AS3MT: variants seen among roughly 807,000 people sequenced by gnomAD.
AS3MT encodes S-adenosyl-L-methionine:arsenic(III) methyltransferase.
In AS3MT, 47 loss-of-function variants were observed where a neutral mutation model predicts 45.3. The ratio of observed to expected loss-of-function variants is 1.04; its 90% confidence interval spans 0.82 to 1.32. The LOEUF is 1.32. Among genes scored for constraint, AS3MT ranks in the 40% most tolerant of loss-of-function variants. AS3MT has a pLI of 0.00. For missense variants in AS3MT, 396 were observed against 451.1 expected (o/e 0.88, Z 1.11); for synonymous variants, 141 against 152.8 (o/e 0.92, Z 0.57).
intron 10 of AS3MT, among the ~76,000 whole-genome samples, chr10:102,894,441 A>AT (rs1564796110): frequency 1.3e-5 from 2 of 151,190 alleles, no homozygotes. Context: ...AAAAAAAATA[A>AT]AAAAATAAAA....
At chr10:102,874,050 C>T (rs1392675892) in intron 5 of AS3MT, among the ~76,000 whole-genome samples, 1 of 152,002 alleles carries the variant, frequency 6.6e-6, no homozygotes, top group East Asian at 1.9e-4. Context: ...GTCAGGAATT[C>T]CAGACCAGCT....
At chr10:102,891,948 CAAAAAAAAAAAAA>C (rs57594880) in intron 10 of AS3MT, among the ~76,000 whole-genome samples, 3 of 57,846 alleles carry the variant, frequency 5.2e-5, no homozygotes, top group African/African-American at 1.4e-4. Flanking sequence ...GACTCTGTCT[CAAAAAAAAAAAAA>C]AAAAAAAAAA....
chr10:102,886,909 C>T (rs928474029), intron 9 of AS3MT, among the ~76,000 whole-genome samples: 1 of 152,154 alleles, frequency 6.6e-6, no homozygotes, highest in African/African-American at 2.4e-5. Flanking sequence ...AATCTTTCAA[C>T]TTTTTTGATA....
chr10:102,891,237 G>A lies in AS3MT; in HGVS notation c.1020+559G>A, dbSNP rs144145103. ...CTGTCTGTGACTAATTATGATTTTCGAGAGACAGTTAACAACCACCTGATC... is the reference window on the plus strand; with the variant it reads ...CTGTCTGTGACTAATTATGATTTTCAAGAGACAGTTAACAACCACCTGATC... On this transcript the variant is annotated intron_variant, in intron 10 of 10. Coordinates refer to ENST00000369880, the MANE Select transcript of AS3MT (RefSeq NM_020682.4). Among the ~76,000 whole-genome samples the A allele has an allele frequency of 2.4e-4, 37 of 152,186 alleles. No individual in the cohort carries two copies. The East Asian group carries it at 3.1e-3, about 13-fold the overall frequency.
At chr10:102,889,068 T>G (rs1845015289) in intron 9 of AS3MT, among the ~76,000 whole-genome samples, 5 of 151,476 alleles carry the variant, frequency 3.3e-5, no homozygotes. Context: ...TTTTTTGTAT[T>G]TTTAGTAGAG....
chr10:102,878,340 T>C, intron 7 of AS3MT, 39 bp from the exon 8 acceptor site: 2 of 1,608,048 alleles, frequency 1.2e-6, no homozygotes, highest in Non-Finnish European at 1.7e-6. Flanking sequence ...TATTAAGTGT[T>C]GGCTGGTCTG....
chr10:102,885,996 G>A (rs1171318762), intron 9 of AS3MT, among the ~76,000 whole-genome samples: 1 of 152,048 alleles, frequency 6.6e-6, no homozygotes, highest in Non-Finnish European at 1.5e-5. Context: ...AGTCTGAATA[G>A]TATTCCAGTG....
chr10:102,883,135 C>G (rs1430990309), intron 9 of AS3MT, among the ~76,000 whole-genome samples: 4 of 146,324 alleles, frequency 2.7e-5, no homozygotes, highest in African/African-American at 7.6e-5. Flanking sequence ...GAGTCTTGCT[C>G]TGTTGCCCAG....
At chr10:102,871,546 C>CAGAAAA (rs1844685683) in intron 3 of AS3MT, among the ~76,000 whole-genome samples, 1 of 23,266 alleles carries the variant, frequency 4.3e-5, no homozygotes, top group Non-Finnish European at 6.9e-5. Flanking sequence ...GACTCCGTCT[C>CAGAAAA]AAAAAAAAAA....
At chr10:102,888,640 C>T (rs939558077) in intron 9 of AS3MT, among the ~76,000 whole-genome samples, 3 of 151,846 alleles carry the variant, frequency 2.0e-5, no homozygotes, top group East Asian at 1.9e-4. Context: ...AGGCTGGTCT[C>T]GAACTCCTGA....
chr10:102,869,752 A>T, intron 1 of AS3MT, 53 bp from the exon 2 acceptor site: 1 of 1,612,372 alleles, frequency 6.2e-7, no homozygotes, highest in Non-Finnish European at 8.5e-7. Flanking sequence ...CCCCTCCCTC[A>T]TGCCCGTCCC....
intron 3 of AS3MT, among the ~76,000 whole-genome samples, chr10:102,871,480 G>A (rs1311689996): frequency 2.7e-5 from 4 of 147,130 alleles, no homozygotes; most frequent in Admixed American, 7.0e-5. Context: ...CCGGGAGGCG[G>A]AGCTTGCAGT....
chr10:102,869,695 C>G, intron 1 of AS3MT, 102 bp downstream of exon 1: 1 of 1,608,614 alleles, frequency 6.2e-7, no homozygotes, highest in East Asian at 2.2e-5. Context: ...GTCTCGAGAC[C>G]TTTGTCCTCC....
At chr10:102,874,460 AAG>A (rs2134111847) in intron 5 of AS3MT, 130 bp from the exon 6 acceptor site, 1 of 637,422 alleles carries the variant, frequency 1.6e-6, no homozygotes, top group East Asian at 2.8e-5. Context: ...AGGCATTAGA[AAG>A]AGAGGAGGGA....
rs1485235899 is a variant in AS3MT at position 102,878,404 on chromosome 10, C to T, written c.636C>T (p.Tyr212=). 1 of 1,613,972 alleles carries T rather than the reference C, an allele frequency of 6.2e-7. No homozygotes were observed. ...LWGECLGGAL[Y]WKELAVLAQK... is the part of the protein sequence containing the mutation. ...GTGAGTGTCTGGGTGGTGCTTTATA[C>T]TGGAAGGAACTTGCTGTCCTTGCTC... Residue 212 remains tyrosine, a synonymous_variant, in exon 8 of 11, where the codon TAC becomes TAT. Coordinates refer to ENST00000369880, the MANE Select transcript of AS3MT (RefSeq NM_020682.4).
intron 3 of AS3MT, among the ~76,000 whole-genome samples, chr10:102,871,546 CAAAA>C (rs748797211): frequency 3.0e-4 from 7 of 23,284 alleles, no homozygotes; most frequent in South Asian, 3.0e-3. Flanking sequence ...GACTCCGTCT[CAAAA>C]AAAAAAAAAA....
At chr10:102,886,842 C>A (rs1241897432) in intron 9 of AS3MT, among the ~76,000 whole-genome samples, 1 of 152,132 alleles carries the variant, frequency 6.6e-6, no homozygotes, top group Non-Finnish European at 1.5e-5. Flanking sequence ...CTCTTGAACT[C>A]CTGGGCTCAA....
intron 9 of AS3MT, among the ~76,000 whole-genome samples, chr10:102,885,508 T>TAGTAGAGATGGGG (rs1564793629): frequency 0.031 from 522 of 16,606 alleles, 3 homozygotes; most frequent in East Asian, 0.051. Context: ...TTTTTTTTTT[T>TAGTAGAGATGGGG]TTTTTTTTTT....
intron 9 of AS3MT, among the ~76,000 whole-genome samples, chr10:102,887,105 T>C (rs1309491102): frequency 6.6e-6 from 1 of 152,200 alleles, no homozygotes; most frequent in Non-Finnish European, 1.5e-5. Flanking sequence ...TTCAGGAGCA[T>C]GTTGTTTAAT....
Sources: allele counts gnomAD v4.1 joint callset (sites outside exome capture counted in the v4.1 genomes callset), GRCh38; gene constraint gnomAD v4.1.1; transcripts MANE v1.5; gene names NCBI Gene and HGNC (gene_info 2026-07-23, HGNC 2026-07-21).